The following IRGM variants were observed in gnomAD, a reference collection of about 807,000 sequenced individuals.
IRGM encodes the protein immunity-related GTPase family M protein.
For synonymous variants in IRGM, 98 were observed against 80.6 expected (o/e 1.22, Z -1.16); for missense variants, 288 against 219.9 (o/e 1.31, Z -1.96).
At chr5:150,891,280 A>G (rs1370260894) in intron 3 of IRGM, among the ~76,000 whole-genome samples, 1 of 152,088 alleles carries the variant, frequency 6.6e-6, no homozygotes, top group Non-Finnish European at 1.5e-5. Flanking sequence ...ATCATAGTAT[A>G]TCTTTTTTCC....
chr5:150,900,509 T>G (rs554171070), intron 3 of IRGM: 2 of 152,140 alleles, frequency 1.3e-5, no homozygotes, highest in African/African-American at 4.8e-5. Context: ...AACTTTTATG[T>G]GTTAATGTTA....
chr5:150,848,346 T>G lies in IRGM; in HGVS notation c.223T>G (p.Cys75Gly). ...PTELVKATQR[C>G]ASYFSSHFSN... The stretch of plus-strand genomic sequence containing the variant: ...TGAGCTGGTAAAAGCTACCCAAAGA[T>G]GTGCCTCCTATTTCTCTTCCCACTT... Residue 75 changes from cysteine (C) to glycine (G), a missense_variant, in exon 2 of 2, where the codon TGT (cysteine) becomes GGT (glycine). Coordinates refer to ENST00000522154, the MANE Select transcript of IRGM (RefSeq NM_001145805.2). 1 of 1,551,844 alleles carries G rather than the reference T, an allele frequency of 6.4e-7. No individual in the cohort carries two copies. The highest frequency in any genetic ancestry group is 8.7e-7 in the Non-Finnish European group (1 of 1,146,976).
In IRGM at chr5:150,855,521, T is replaced by A. The variant is rs1425250559; in HGVS notation, c.158+6867T>A. On this transcript the variant is annotated intron_variant and NMD_transcript_variant, in intron 1 of 3. Transcript: ENST00000520549. ...AGATATTTAGTAGGCATATGGGAAG[T>A]GATCAGATTAGGAAGAATGTAAACT... Among the ~76,000 whole-genome samples the A allele has an allele frequency of 2.0e-5, 3 of 152,204 alleles. No individual in the cohort carries two copies. In the East Asian group the frequency reaches 5.8e-4, roughly 29 times the overall value.
At chr5:150,878,873 G>C (rs553671677) in intron 2 of IRGM, among the ~76,000 whole-genome samples, 1 of 152,086 alleles carries the variant, frequency 6.6e-6, no homozygotes, top group African/African-American at 2.4e-5. Context: ...GCTGCAATGT[G>C]GGTATACCTG....
At chr5:150,854,649 G>C (rs548798000) in intron 1 of IRGM, among the ~76,000 whole-genome samples, 1 of 152,142 alleles carries the variant, frequency 6.6e-6, no homozygotes, top group East Asian at 1.9e-4. Context: ...GTGCCTTCTG[G>C]CCTGCAACCT....
intron 1 of IRGM, among the ~76,000 whole-genome samples, chr5:150,873,334 G>A (rs1754314751): frequency 6.6e-6 from 1 of 152,158 alleles, no homozygotes; most frequent in African/African-American, 2.4e-5. Flanking sequence ...ACTTGAACCA[G>A]TTTACAGACC....
intron 3 of IRGM, among the ~76,000 whole-genome samples, chr5:150,884,910 T>C (rs942300609): frequency 6.6e-6 from 1 of 152,180 alleles, no homozygotes; most frequent in Non-Finnish European, 1.5e-5. Flanking sequence ...GCAGAAACTC[T>C]GTAGTTTAAT....
rs545213205 is a variant in IRGM at position 150,854,571 on chromosome 5, C to T, written c.158+5917C>T. 9.5e-4 allele frequency among the ~76,000 whole-genome samples: 144 copies of T among 152,232 alleles called. 1 individual carries two copies. Among genetic ancestry groups the T allele is most frequent in the African/African-American group, 3.3e-3 (138 of 41,550 alleles). ...GCCTAATTTTAACAGGACAGTTTTG[C>T]TAAATACAGAATTCTCAGTTGACAA... On this transcript the variant is annotated intron_variant and NMD_transcript_variant, in intron 1 of 3. Transcript: ENST00000520549.
downstream of IRGM, chr5:150,848,732 TG>T: frequency 8.3e-7 from 1 of 1,211,644 alleles, no homozygotes; most frequent in Non-Finnish European, 1.1e-6. Context: ...TTTATTTCAC[TG>T]GACTCATTGA....
At chr5:150,893,627 A>G (rs185001170) in intron 3 of IRGM, among the ~76,000 whole-genome samples, 11 of 152,262 alleles carry the variant, frequency 7.2e-5, no homozygotes, top group African/African-American at 2.6e-4. Context: ...TAAGCCTGAT[A>G]AAAGAATTAT....
intron 1 of IRGM, among the ~76,000 whole-genome samples, chr5:150,866,675 C>T (rs915056987): frequency 3.3e-5 from 5 of 152,152 alleles, no homozygotes; most frequent in Non-Finnish European, 5.9e-5. Context: ...GATATTGTAA[C>T]CCCACCAGCT....
downstream of IRGM, among the ~76,000 whole-genome samples, chr5:150,901,963 C>T (rs142909901): frequency 2.3e-4 from 35 of 152,020 alleles, no homozygotes; most frequent in East Asian, 6.0e-3. Context: ...AAAAGAAAAG[C>T]GCAAGAAAAT....
intron 1 of IRGM, among the ~76,000 whole-genome samples, chr5:150,872,748 G>A (rs74294180): frequency 0.039 from 5,921 of 152,158 alleles, 193 homozygotes; most frequent in East Asian, 0.18. Context: ...TTAAAAGATC[G>A]CCCACTGTGG....
downstream of IRGM, among the ~76,000 whole-genome samples, chr5:150,853,547 T>A (rs1328054652): frequency 6.6e-6 from 1 of 152,130 alleles, no homozygotes; most frequent in African/African-American, 2.4e-5. Context: ...TCTCTCCAAT[T>A]TTATCAATGC....
chr5:150,893,982 CT>C, intron 3 of IRGM, among the ~76,000 whole-genome samples: 1 of 151,976 alleles, frequency 6.6e-6, no homozygotes, highest in Admixed American at 6.6e-5. Context: ...TGAATGGCAT[CT>C]TTAATTCTCA....
At chr5:150,855,968 A>T (rs981139550) in intron 1 of IRGM, among the ~76,000 whole-genome samples, 10 of 151,594 alleles carry the variant, frequency 6.6e-5, no homozygotes, top group Non-Finnish European at 1.2e-4. Context: ...CAATTTTTAA[A>T]AGTTAAAACA....
downstream of IRGM, among the ~76,000 whole-genome samples, chr5:150,851,215 G>A (rs184125201): frequency 5.4e-4 from 82 of 152,264 alleles, no homozygotes; most frequent in Non-Finnish European, 1.3e-4. Context: ...ATTACCATAA[G>A]CAGCACCCTC....
chr5:150,865,830 C>T (rs1581644653), intron 1 of IRGM, among the ~76,000 whole-genome samples: 1 of 152,084 alleles, frequency 6.6e-6, no homozygotes, highest in Non-Finnish European at 1.5e-5. Context: ...AATCTTGGCT[C>T]ACTGCAGACT....
chr5:150,872,255 T>C (rs1754296100), intron 1 of IRGM, among the ~76,000 whole-genome samples: 1 of 152,210 alleles, frequency 6.6e-6, no homozygotes, highest in African/African-American at 2.4e-5. Flanking sequence ...CGATGAGCCT[T>C]TTTTTGCCAG....
Sources: gnomAD v4.1 joint callset for allele counts (sites outside exome capture counted in the v4.1 genomes callset) on GRCh38, gnomAD v4.1.1 for gene constraint, MANE v1.5 for transcripts, NCBI Gene and HGNC (gene_info 2026-07-23, HGNC 2026-07-21) for gene names.